CSMD1: variants seen among roughly 807,000 people sequenced by gnomAD.
CSMD1 encodes CUB and Sushi multiple domains 1, also known as CUB and sushi domain-containing protein 1.
A neutral mutation model predicts 417.5 loss-of-function variants in CSMD1; 213 were observed. The observed-to-expected ratio is 0.51, with a 90% CI of 0.46 to 0.57. The LOEUF is 0.57. CSMD1 is among the 20% of genes least tolerant of loss of function. The pLI is 0.00. For synonymous variants in CSMD1, 2,862 were observed against 1,736.8 expected, an observed-to-expected ratio of 1.65 and a Z score of -16.11; for missense variants, 6,923 against 4,529.7, an observed-to-expected ratio of 1.53 and a Z score of -15.17.
At chr8:4,033,334 T>G (rs56691917) in intron 3 of CSMD1, among the ~76,000 whole-genome samples, 9 of 151,584 alleles carry the variant, frequency 5.9e-5, no homozygotes, top group Non-Finnish European at 1.3e-4. Flanking sequence ...CCCAGCTACT[T>G]GGGAGGCTGA....
At chr8:2,998,489 G>C (rs770441442) in intron 53 of CSMD1, among the ~76,000 whole-genome samples, 1 of 152,158 alleles carries the variant, frequency 6.6e-6, no homozygotes, top group East Asian at 1.9e-4. Context: ...ATTTAAAAAC[G>C]AAGCAGTGAA....
chr8:3,503,446 C>A (rs68086719), intron 10 of CSMD1, among the ~76,000 whole-genome samples: 60,575 of 152,116 alleles, frequency 0.4, 12,547 homozygotes, highest in East Asian at 0.52. Flanking sequence ...GTGAAAAGCG[C>A]AATTCCTCTA....
At chr8:4,284,825 T>C (rs937836510) in intron 3 of CSMD1, among the ~76,000 whole-genome samples, 3 of 152,106 alleles carry the variant, frequency 2.0e-5, no homozygotes, top group Non-Finnish European at 4.4e-5. Context: ...TGTGGCCGTG[T>C]TCAAAAACAA....
chr8:4,207,291 C>T (rs1244100952), intron 3 of CSMD1, among the ~76,000 whole-genome samples: 1 of 152,118 alleles, frequency 6.6e-6, no homozygotes, highest in African/African-American at 2.4e-5. Context: ...TATGGCTGGT[C>T]TAAACCATGT....
intron 12 of CSMD1, among the ~76,000 whole-genome samples, chr8:3,434,454 G>A (rs1459484569): frequency 6.6e-6 from 1 of 152,132 alleles, no homozygotes; most frequent in African/African-American, 2.4e-5. Flanking sequence ...CTATATTAAA[G>A]AAAATAGTAT....
At chr8:3,392,155 T>C (rs529465767) in intron 17 of CSMD1, among the ~76,000 whole-genome samples, 2 of 151,450 alleles carry the variant, frequency 1.3e-5, no homozygotes, top group African/African-American at 4.8e-5. Context: ...TACCTAATGT[T>C]AAATGATGAG....
At chr8:4,807,265 C>T (rs895201601) in intron 1 of CSMD1, among the ~76,000 whole-genome samples, 1 of 152,158 alleles carries the variant, frequency 6.6e-6, no homozygotes, top group African/African-American at 2.4e-5. Flanking sequence ...AACCTTATTT[C>T]CCAGCCACAT....
chr8:3,943,509 T>C lies in CSMD1; in HGVS notation c.818+54394A>G, dbSNP rs143287696. Among the ~76,000 whole-genome samples, 428 of 150,780 alleles carry C rather than the reference T, an allele frequency of 2.8e-3. 1 individual carries two copies. Among genetic ancestry groups the C allele is most frequent in the Non-Finnish European group, 4.6e-3 (314 of 67,718 alleles). On this transcript the variant is annotated intron_variant, in intron 5 of 69. Transcript: ENST00000635120. ...CTGAAATTAGTGAACAGAAGTATTATTGAAAATGGAATCTGTACAGAGATT... is the reference window on the plus strand; with the variant it reads ...CTGAAATTAGTGAACAGAAGTATTACTGAAAATGGAATCTGTACAGAGATT...
intron 5 of CSMD1, among the ~76,000 whole-genome samples, chr8:3,758,199 G>A (rs567213417): frequency 1.3e-5 from 2 of 152,078 alleles, no homozygotes; most frequent in African/African-American, 2.4e-5. Flanking sequence ...CCTGACCTCA[G>A]GTGATCCAAC....
intron 2 of CSMD1, among the ~76,000 whole-genome samples, chr8:4,474,185 G>C (rs1324933438): frequency 1.3e-5 from 2 of 152,138 alleles, no homozygotes; most frequent in Non-Finnish European, 2.9e-5. Context: ...ATCTTCGTAA[G>C]TGAAAATTTA....
At chr8:3,784,652 GT>G (rs1799351719) in intron 5 of CSMD1, among the ~76,000 whole-genome samples, 3 of 152,146 alleles carry the variant, frequency 2.0e-5, no homozygotes. Flanking sequence ...AATCTGTTTG[GT>G]TTGGAAATAA....
At chr8:2,966,284 T>C (rs1199074396) in intron 58 of CSMD1, among the ~76,000 whole-genome samples, 3 of 152,188 alleles carry the variant, frequency 2.0e-5, no homozygotes, top group Non-Finnish European at 4.4e-5. Flanking sequence ...CTTCTTTCTC[T>C]GCAGACCCAG....
rs146812780 is a variant in CSMD1 at position 4,737,795 on chromosome 8, C to A, written c.86-100237G>T. On this transcript the variant is annotated intron_variant, in intron 1 of 69. Coordinates refer to ENST00000635120, the MANE Select transcript of CSMD1 (RefSeq NM_033225.6). ...ACATAGAAACAAATAGTTCTTTGGA[C>A]AATGGTAGCATCTAAAGTAATGGGC... Among the ~76,000 whole-genome samples the A allele has an allele frequency of 2.1e-3, 318 of 152,116 alleles. 3 individuals carry two copies. Among genetic ancestry groups the A allele is most frequent in the African/African-American group, 7.4e-3 (307 of 41,500 alleles).
At chr8:3,543,160 A>G (rs1359371441) in intron 10 of CSMD1, among the ~76,000 whole-genome samples, 3 of 152,234 alleles carry the variant, frequency 2.0e-5, no homozygotes, top group South Asian at 4.1e-4. Context: ...AAAAGTCAAT[A>G]CCCTGAGACC....
intron 1 of CSMD1, among the ~76,000 whole-genome samples, chr8:4,761,550 A>G (rs889236350): frequency 6.6e-6 from 1 of 152,124 alleles, no homozygotes; most frequent in African/African-American, 2.4e-5. Context: ...GCTCTGACTT[A>G]GAGTTTGAAA....
At chr8:4,869,542 T>C (rs937114192) in intron 1 of CSMD1, among the ~76,000 whole-genome samples, 1 of 152,098 alleles carries the variant, frequency 6.6e-6, no homozygotes, top group South Asian at 2.1e-4. Context: ...TTTATATTTT[T>C]TTACTGCATG....
intron 60 of CSMD1, among the ~76,000 whole-genome samples, chr8:2,963,010 T>C (rs922993): frequency 0.23 from 35,506 of 152,076 alleles, 4,851 homozygotes; most frequent in African/African-American, 0.38. Flanking sequence ...ATTGAACCAC[T>C]GCACTCCATC....
At chr8:3,073,328 GC>G (rs1275043596) in intron 49 of CSMD1, among the ~76,000 whole-genome samples, 1 of 147,074 alleles carries the variant, frequency 6.8e-6, no homozygotes, top group East Asian at 1.9e-4. Flanking sequence ...TTTTAAATCA[GC>G]AAAAAAAAAT....
At position 3,439,154 on chromosome 8, in the gene CSMD1, C is replaced by CAAAAAAAAAAAAAAAAAAAAAAAAAA. The variant is rs1563390150; in HGVS notation, c.1562-29550_1562-29549insTTTTTTTTTTTTTTTTTTTTTTTTTT. On this transcript the variant is annotated intron_variant, in intron 12 of 69. Transcript: ENST00000635120. Reference sequence around the variant, plus strand: ...AAAAAAAAAAAAAAAAAAAAAAAACCAAGAAAAAAAAAAGAAAAAGAAAAA... The same window carrying CAAAAAAAAAAAAAAAAAAAAAAAAAA: ...AAAAAAAAAAAAAAAAAAAAAAAACCAAAAAAAAAAAAAAAAAAAAAAAAAAAAGAAAAAAAAAAGAAAAAGAAAAA... 1.2e-3 allele frequency among the ~76,000 whole-genome samples: 31 copies of CAAAAAAAAAAAAAAAAAAAAAAAAAA among 26,600 alleles called. 3 individuals carry two copies. The highest frequency in any genetic ancestry group is 1.5e-3 in the Non-Finnish European group (23 of 15,840). The allele number at this position is 26,600 out of a possible 152,430, so 17.5% of individuals were successfully genotyped here.
Sources: gnomAD v4.1 joint callset for allele counts (sites outside exome capture counted in the v4.1 genomes callset) on GRCh38, gnomAD v4.1.1 for gene constraint, MANE v1.5 for transcripts, NCBI Gene and HGNC (gene_info 2026-07-23, HGNC 2026-07-21) for gene names.